The following GREB1 variants were observed in gnomAD, a reference collection of about 807,000 sequenced individuals.
GREB1 encodes growth regulating estrogen receptor binding 1.
In GREB1, 106 loss-of-function variants were observed where a neutral mutation model predicts 200.7. The ratio of observed to expected loss-of-function variants is 0.53; its 90% confidence interval spans 0.45 to 0.62. The LOEUF is 0.62. GREB1 is among the 20% of genes least tolerant of loss of function. The probability of loss-of-function intolerance (pLI) is 0.00; values close to 1 mark genes in which losing one functional copy is unlikely to be tolerated. For missense variants in GREB1, 2,243 were observed against 2,556.8 expected, an observed-to-expected ratio of 0.88 and a Z score of 2.65; for synonymous variants, 1,132 against 1,092.4, an observed-to-expected ratio of 1.04 and a Z score of -0.72.
rs900053343 is a variant in GREB1, at chr2:11,641,996, G to A, written c.*1542G>A. Reference sequence around the variant, plus strand: ...AGCACAGTTCAAAGTTCTGGCTTCTGGACTCTGCAGTCCAGGTCTCCCTTC... The same window carrying A: ...AGCACAGTTCAAAGTTCTGGCTTCTAGACTCTGCAGTCCAGGTCTCCCTTC... On this transcript the variant is annotated 3_prime_UTR_variant, in exon 33 of 33. Coordinates refer to ENST00000381486, the MANE Select transcript of GREB1 (RefSeq NM_014668.4). The A allele has an allele frequency of 6.6e-6, 1 of 152,182 alleles. No individual in the cohort carries two copies. The highest frequency in any genetic ancestry group is 1.5e-5 in the Non-Finnish European group (1 of 68,038). 9.4% of individuals were successfully genotyped at this position (152,182 alleles called of 1,614,324 possible).
In GREB1 at chr2:11,618,862, C is replaced by T. The variant is rs113948769; in HGVS notation, c.3987C>T (p.Ala1329=). The change falls in exon 22 of 33, where the codon GCC becomes GCT. Residue 1329 remains alanine, a synonymous_variant. Transcript: ENST00000381486. ...RPSHMDYGNR[A]EGRVDGFHPR... is the part of the protein sequence containing the mutation. Reference sequence around the variant, plus strand: ...GCCACATGGACTACGGCAACCGGGCCGAGGGCCGCGTGGACGGCTTCCACC... The same window carrying T: ...GCCACATGGACTACGGCAACCGGGCTGAGGGCCGCGTGGACGGCTTCCACC... 5.0e-5 allele frequency: 79 copies of T among 1,586,500 alleles called. No homozygotes were observed. The highest frequency in any genetic ancestry group is 3.0e-4 in the Admixed American group (18 of 59,058).
intron 18 of GREB1, among the ~76,000 whole-genome samples, chr2:11,611,907 C>T (rs1054829672): frequency 5.3e-5 from 8 of 152,132 alleles, no homozygotes; most frequent in Non-Finnish European, 2.9e-5. Flanking sequence ...ACATAAGGAA[C>T]AGCTGGTTGG....
chr2:11,622,882 C>T (rs956408992), intron 23 of GREB1, among the ~76,000 whole-genome samples: 13 of 152,238 alleles, frequency 8.5e-5, no homozygotes, highest in South Asian at 2.1e-4. Context: ...GCCATTCTCA[C>T]AGCAAACAGC....
chr2:11,534,721 G>T (rs896584551), intron 1 of GREB1, among the ~76,000 whole-genome samples: 2 of 152,138 alleles, frequency 1.3e-5, no homozygotes, highest in African/African-American at 4.8e-5. Flanking sequence ...TAATTAGAGG[G>T]GGATGTGTGC....
chr2:11,494,343 G>T (rs1375009315), intron 1 of GREB1, among the ~76,000 whole-genome samples: 1 of 152,246 alleles, frequency 6.6e-6, no homozygotes, highest in Non-Finnish European at 1.5e-5. Flanking sequence ...ATGGGCTGTG[G>T]CAGCATCACC....
At chr2:11,612,979 C>T (rs1227266664) in intron 19 of GREB1, among the ~76,000 whole-genome samples, 2 of 152,174 alleles carry the variant, frequency 1.3e-5, no homozygotes, top group Non-Finnish European at 2.9e-5. Flanking sequence ...ACGGCATCCT[C>T]TCCAGGAGTT....
intron 22 of GREB1, among the ~76,000 whole-genome samples, chr2:11,620,301 C>T (rs750795118): frequency 3.9e-5 from 6 of 152,102 alleles, no homozygotes; most frequent in Non-Finnish European, 8.8e-5. Context: ...TACAGTGGTA[C>T]AGGGAGGGTA....
intron 18 of GREB1, 183 bp from the exon 19 acceptor site, chr2:11,612,312 C>T (rs1364864641): frequency 1.5e-5 from 20 of 1,337,018 alleles, no homozygotes; most frequent in African/African-American, 1.3e-4. Flanking sequence ...ATGTTCTAGC[C>T]GACTGAAAAT....
Position 11,576,363 on chromosome 2 carries a change from G to GAAT in GREB1, c.466_468dup (p.Asn156dup). ...TACTTCCTTCTCCAGGTTTCTCTGG[G>GAAT]AATTGTGTTGGCTGTGGAAAGAAAG... On this transcript the variant is annotated inframe_insertion, in exon 5 of 33. Transcript: ENST00000381486. 1 of 1,610,394 alleles carries GAAT rather than the reference G, an allele frequency of 6.2e-7. No homozygotes were observed. The highest frequency in any genetic ancestry group is 8.5e-7 in the Non-Finnish European group (1 of 1,178,778).
At chr2:11,509,524 A>G (rs759061260) in intron 1 of GREB1, among the ~76,000 whole-genome samples, 24 of 152,118 alleles carry the variant, frequency 1.6e-4, no homozygotes, top group Non-Finnish European at 3.1e-4. Context: ...AAAAACATTA[A>G]CGGTAATTCC....
chr2:11,552,484 C>T (rs976663954), intron 1 of GREB1, among the ~76,000 whole-genome samples: 1 of 152,182 alleles, frequency 6.6e-6, no homozygotes, highest in Non-Finnish European at 1.5e-5. Flanking sequence ...TAGTGTGTGA[C>T]CTTGAACTAG....
Position 11,618,615 on chromosome 2 carries a change from G to C in GREB1, c.3740G>C (p.Cys1247Ser). 1 of 1,613,260 alleles carries C rather than the reference G, an allele frequency of 6.2e-7. No individual in the cohort carries two copies. The highest frequency in any genetic ancestry group is 8.5e-7 in the Non-Finnish European group (1 of 1,179,934). ...ACGTGGGTCCTGCAGGCCTCCCAGTGCTCCTTGACCAAGGCCTGCCGCCAG... is the reference window on the plus strand; with the variant it reads ...ACGTGGGTCCTGCAGGCCTCCCAGTCCTCCTTGACCAAGGCCTGCCGCCAG... ...AGTWVLQASQ[C>S]SLTKACRQPP... The change falls in exon 22 of 33, where the codon TGC (cysteine) becomes TCC (serine). Residue 1247 changes from cysteine (C) to serine (S), a missense_variant. Cys to Ser is a moderately radical substitution (Grantham distance 112, BLOSUM62 -1). Around this residue, in one of 3 missense-constraint regions of GREB1, gnomAD observed 587 missense variants for 553.1 expected, o/e 1.06. Transcript: ENST00000381486.
chr2:11,498,713 G>T (rs937006511), intron 1 of GREB1, among the ~76,000 whole-genome samples: 11 of 152,192 alleles, frequency 7.2e-5, no homozygotes, highest in Admixed American at 3.3e-4. Context: ...GACACTTGGC[G>T]TCCTGGGCTG....
intron 14 of GREB1, 62 bp downstream of exon 14, chr2:11,598,040 G>A: frequency 8.3e-7 from 1 of 1,211,306 alleles, no homozygotes; most frequent in Non-Finnish European, 1.2e-6. Context: ...AAATCCATGT[G>A]TGGGTGTTGA....
chr2:11,556,781 G>T lies in GREB1; in HGVS notation c.157+10G>T. 1.2e-6 allele frequency: 2 copies of T among 1,610,904 alleles called. No homozygotes were observed. Among genetic ancestry groups the T allele is most frequent in the East Asian group, 2.2e-5 (1 of 44,828 alleles). ...CTTGCCGCTCTAGAAGGTGGGAGAC[G>T]CACGTTGCTTTTATCTGTGTATTTC... On this transcript the variant is annotated intron_variant, in intron 2 of 32. Coordinates refer to ENST00000381486, the MANE Select transcript of GREB1 (RefSeq NM_014668.4).
chr2:11,571,342 G>A lies in GREB1; in HGVS notation c.454+4686G>A, dbSNP rs1678266997. Among the ~76,000 whole-genome samples the A allele has an allele frequency of 2.0e-5, 3 of 152,242 alleles. No individual in the cohort carries two copies. The South Asian group carries it at 6.2e-4, about 32-fold the overall frequency. ...GGCCCAATTTAAATCCCACTTGCCA[G>A]GATGTCTTCCTGGAATTGCCTTCCT... On this transcript the variant is annotated intron_variant, in intron 4 of 32. Coordinates refer to ENST00000381486, the MANE Select transcript of GREB1 (RefSeq NM_014668.4).
At chr2:11,556,159 A>G (rs889505671) in intron 1 of GREB1, among the ~76,000 whole-genome samples, 10 of 152,186 alleles carry the variant, frequency 6.6e-5, no homozygotes, top group African/African-American at 2.4e-4. Context: ...AAGGTGGGGG[A>G]GGCCGGCTCC....
chr2:11,625,311 A>G lies in GREB1; in HGVS notation c.4305A>G (p.Glu1435=), dbSNP rs1684354426. The G allele has an allele frequency of 1.2e-6, 2 of 1,613,922 alleles. No individual in the cohort carries two copies. The highest frequency in any genetic ancestry group is 1.7e-6 in the Non-Finnish European group (2 of 1,179,798). Residue 1435 remains glutamate, a splice_region_variant and synonymous_variant, in exon 24 of 33, where the codon GAA becomes GAG. Transcript: ENST00000381486. ...CGCACTATCAGGGTATAAAGAGTGA[A>G]GGTCAGACTTTGAATCTCTCGTTTC... ...ICSHYQGIKS[E]DRGMSRKPED...
intron 1 of GREB1, among the ~76,000 whole-genome samples, chr2:11,555,474 G>A (rs1217852046): frequency 6.6e-6 from 1 of 152,218 alleles, no homozygotes; most frequent in African/African-American, 2.4e-5. Flanking sequence ...ATAATTATGT[G>A]AATACAATCT....
Sources: allele counts gnomAD v4.1 joint callset (sites outside exome capture counted in the v4.1 genomes callset), GRCh38; gene constraint gnomAD v4.1.1; regional missense constraint gnomAD v4.1.1; transcripts MANE v1.5; gene names NCBI Gene and HGNC (gene_info 2026-07-23, HGNC 2026-07-21).